The following GABRB1 variants were observed in gnomAD, a reference collection of about 807,000 sequenced individuals.
GABRB1 encodes the protein gamma-aminobutyric acid receptor subunit beta-1.
Under a neutral mutation model 51.6 loss-of-function variants are expected in GABRB1, and 17 were observed. The ratio of observed to expected loss-of-function variants is 0.33; its 90% CI spans 0.23 to 0.49. The LOEUF (loss-of-function observed/expected upper bound fraction) is 0.49, where lower values mean the gene tolerates loss of function less well. GABRB1 is among the 20% of genes least tolerant of loss of function. The pLI is 0.99. For missense variants in GABRB1, 410 were observed against 600.6 expected (o/e 0.68, Z 3.32); for synonymous variants, 247 against 218.9 (o/e 1.13, Z -1.14).
chr4:47,208,605 A>G (rs1216306295), intron 4 of GABRB1, among the ~76,000 whole-genome samples: 1 of 152,114 alleles, frequency 6.6e-6, no homozygotes, highest in Non-Finnish European at 1.5e-5. Flanking sequence ...ATATTTTATA[A>G]AAGCTGTCAA....
At chr4:47,244,359 C>G (rs994999119) in intron 4 of GABRB1, among the ~76,000 whole-genome samples, 1 of 152,098 alleles carries the variant, frequency 6.6e-6, no homozygotes, top group Non-Finnish European at 1.5e-5. Flanking sequence ...TTTGTCGTGC[C>G]TCTGCCAGGC....
intron 3 of GABRB1, among the ~76,000 whole-genome samples, chr4:47,150,334 A>G (rs1240349335): frequency 2.1e-5 from 3 of 139,878 alleles, no homozygotes; most frequent in South Asian, 4.9e-4. Flanking sequence ...ACACACACAC[A>G]CACACACACG....
chr4:47,216,669 C>T (rs1401657905), intron 4 of GABRB1, among the ~76,000 whole-genome samples: 2 of 151,782 alleles, frequency 1.3e-5, no homozygotes, highest in African/African-American at 4.8e-5. Flanking sequence ...AACAACTTTG[C>T]TAGTAATGGG....
chr4:47,120,593 C>G (rs534241385), intron 3 of GABRB1, among the ~76,000 whole-genome samples: 2 of 152,302 alleles, frequency 1.3e-5, no homozygotes, highest in Admixed American at 6.5e-5. Context: ...CACACCTGAA[C>G]CCAGCATGTC....
At chr4:47,185,776 T>C (rs1460813256) in intron 4 of GABRB1, among the ~76,000 whole-genome samples, 1 of 151,752 alleles carries the variant, frequency 6.6e-6, no homozygotes. Flanking sequence ...ATAGTAAGAG[T>C]TCAATAAATG....
chr4:47,112,028 G>A (rs1307089470), intron 3 of GABRB1, among the ~76,000 whole-genome samples: 1 of 148,498 alleles, frequency 6.7e-6, no homozygotes, highest in East Asian at 2.0e-4. Flanking sequence ...GGAGTGCAGT[G>A]GCACGATCTC....
intron 1 of GABRB1, among the ~76,000 whole-genome samples, chr4:47,013,256 A>C (rs1250438983): frequency 6.6e-6 from 1 of 152,128 alleles, no homozygotes; most frequent in Non-Finnish European, 1.5e-5. Context: ...TACATACTTA[A>C]GAACACTTGT....
chr4:47,016,002 C>T (rs547237884), intron 1 of GABRB1, among the ~76,000 whole-genome samples: 1 of 152,118 alleles, frequency 6.6e-6, no homozygotes. Context: ...AGGACTAGAC[C>T]TTGAAAGTTC....
chr4:47,047,837 C>A (rs2109501342), intron 3 of GABRB1, among the ~76,000 whole-genome samples: 1 of 152,114 alleles, frequency 6.6e-6, no homozygotes, highest in East Asian at 1.9e-4. Flanking sequence ...TGGATTTGTC[C>A]TCCCTCTGAG....
chr4:47,129,540 A>T (rs922891553), intron 3 of GABRB1, among the ~76,000 whole-genome samples: 1 of 152,214 alleles, frequency 6.6e-6, no homozygotes, highest in African/African-American at 2.4e-5. Context: ...TGATAGACAC[A>T]GTTCCTGCCT....
At chr4:47,373,508 T>C (rs970284067) in intron 5 of GABRB1, among the ~76,000 whole-genome samples, 9 of 152,204 alleles carry the variant, frequency 5.9e-5, no homozygotes, top group African/African-American at 2.2e-4. Context: ...TGTATACCTA[T>C]AATATGTCAT....
rs569260177 is a variant in GABRB1, at chr4:47,257,437, C to T, written c.462-62690C>T. Among the ~76,000 whole-genome samples, 3 of 152,188 alleles carry T rather than the reference C, an allele frequency of 2.0e-5. No homozygotes were observed. In the East Asian group the frequency reaches 5.8e-4, roughly 29 times the overall value. Reference sequence around the variant, plus strand: ...TGTACCATCTCTTTTCCACTGGAATCCTAACTGATATAATTACTCAAAGAT... The same window carrying T: ...TGTACCATCTCTTTTCCACTGGAATTCTAACTGATATAATTACTCAAAGAT... On this transcript the variant is annotated intron_variant, in intron 4 of 8. Transcript: ENST00000295454.
At chr4:47,271,035 G>T (rs1722855923) in intron 4 of GABRB1, among the ~76,000 whole-genome samples, 1 of 152,032 alleles carries the variant, frequency 6.6e-6, no homozygotes, top group Non-Finnish European at 1.5e-5. Flanking sequence ...TCCTTTTAAA[G>T]GCAATCAAGT....
At chr4:47,286,268 G>A (rs17539549) in intron 4 of GABRB1, among the ~76,000 whole-genome samples, 3,542 of 152,238 alleles carry the variant, frequency 0.023, 44 homozygotes, top group South Asian at 0.04. Flanking sequence ...TGACACCAGG[G>A]ACATCACTTT....
intron 1 of GABRB1, among the ~76,000 whole-genome samples, chr4:46,998,086 A>G (rs912875140): frequency 9.2e-5 from 14 of 152,200 alleles, no homozygotes; most frequent in African/African-American, 2.4e-4. Context: ...AACATATTGT[A>G]TTTGAGTAAA....
chr4:47,169,749 G>A lies in GABRB1; in HGVS notation c.461+8280G>A, dbSNP rs549682232. 2.2e-4 allele frequency among the ~76,000 whole-genome samples: 34 copies of A among 152,190 alleles called. No homozygotes were observed. The South Asian group carries it at 6.8e-3, about 31-fold the overall frequency. On this transcript the variant is annotated intron_variant, in intron 4 of 8. Transcript: ENST00000295454. ...ACTCTTAATCTCAGGTGATCCCCCC[G>A]CCTTGACCTCCCAAAGTGCTGGGAT...
At chr4:47,224,979 C>T (rs907124605) in intron 4 of GABRB1, among the ~76,000 whole-genome samples, 1 of 152,118 alleles carries the variant, frequency 6.6e-6, no homozygotes, top group African/African-American at 2.4e-5. Context: ...ACAGCAACCT[C>T]CACCTCTCGG....
intron 4 of GABRB1, among the ~76,000 whole-genome samples, chr4:47,201,430 T>C (rs1180212169): frequency 6.6e-6 from 1 of 152,158 alleles, no homozygotes; most frequent in Non-Finnish European, 1.5e-5. Flanking sequence ...TCTTTCCAAA[T>C]TGAAAAAATT....
intron 3 of GABRB1, among the ~76,000 whole-genome samples, chr4:47,143,915 T>C (rs1168959035): frequency 6.6e-6 from 1 of 151,898 alleles, no homozygotes; most frequent in Non-Finnish European, 1.5e-5. Flanking sequence ...TTCTGTCTTG[T>C]TTATTGTTGC....
Sources: allele counts gnomAD v4.1 joint callset (sites outside exome capture counted in the v4.1 genomes callset), GRCh38; gene constraint gnomAD v4.1.1; transcripts MANE v1.5; gene names NCBI Gene and HGNC (gene_info 2026-07-23, HGNC 2026-07-21).